Variants in SYT9 observed in about 807,000 individuals in gnomAD.
SYT9 encodes the protein synaptotagmin-9.
SYT9 carries 22 observed loss-of-function variants against 48.4 expected under a neutral mutation model. The ratio of observed to expected loss-of-function variants is 0.45; its 90% CI spans 0.32 to 0.65. SYT9 has a LOEUF of 0.65. Ranked by LOEUF, SYT9 falls within the 30% of genes least tolerant of loss-of-function variation. The pLI, the probability that SYT9 is intolerant of heterozygous loss-of-function variation, is 0.03. For synonymous variants in SYT9, 265 were observed against 245.0 expected, an observed-to-expected ratio of 1.08 and a Z score of -0.76; for missense variants, 577 against 622.0, an observed-to-expected ratio of 0.93 and a Z score of 0.77.
intron 6 of SYT9, among the ~76,000 whole-genome samples, chr11:7,466,370 T>C (rs1394268897): frequency 6.6e-6 from 1 of 152,192 alleles, no homozygotes; most frequent in Non-Finnish European, 1.5e-5. Context: ...GTCCTACTTA[T>C]GGGCTTAGTA....
At chr11:7,362,948 C>G (rs1419780983) in intron 3 of SYT9, among the ~76,000 whole-genome samples, 1 of 60,286 alleles carries the variant, frequency 1.7e-5, no homozygotes, top group Non-Finnish European at 3.2e-5. Flanking sequence ...CATTTATTGG[C>G]CTTTTTTTTT....
chr11:7,432,514 TC>T (rs571821472), intron 6 of SYT9, among the ~76,000 whole-genome samples: 86 of 134,050 alleles, frequency 6.4e-4, no homozygotes, highest in African/African-American at 2.2e-3. Flanking sequence ...GCCATTGCAC[TC>T]CACCCTGGGC....
chr11:7,389,276 G>A (rs1254539151), intron 3 of SYT9, among the ~76,000 whole-genome samples: 1 of 151,992 alleles, frequency 6.6e-6, no homozygotes, highest in African/African-American at 2.4e-5. Flanking sequence ...TGACACAATG[G>A]TACTAAAAAA....
chr11:7,313,216 C>T (rs138940729), intron 2 of SYT9, among the ~76,000 whole-genome samples, 179 bp from the exon 3 acceptor site: 126 of 152,200 alleles, frequency 8.3e-4, no homozygotes, highest in African/African-American at 2.6e-3. Flanking sequence ...TCAAGCCTTA[C>T]GGAGCAGCTT....
chr11:7,334,407 G>A (rs957525450), intron 3 of SYT9, among the ~76,000 whole-genome samples: 6 of 152,166 alleles, frequency 3.9e-5, no homozygotes, highest in African/African-American at 1.4e-4. Flanking sequence ...CCACTCGCGT[G>A]TGGTTAATAG....
intron 6 of SYT9, among the ~76,000 whole-genome samples, chr11:7,431,033 A>C (rs1269452358): frequency 1.3e-5 from 2 of 152,194 alleles, no homozygotes; most frequent in Non-Finnish European, 2.9e-5. Context: ...AGGTTGGAAG[A>C]GTTTGGAGGG....
At chr11:7,459,239 C>T (rs1848201341) in intron 6 of SYT9, among the ~76,000 whole-genome samples, 1 of 152,168 alleles carries the variant, frequency 6.6e-6, no homozygotes, top group Non-Finnish European at 1.5e-5. Flanking sequence ...TTTGAAGCAA[C>T]TATTGGATAT....
At chr11:7,419,359 G>T (rs11041367) in intron 5 of SYT9, among the ~76,000 whole-genome samples, 21,907 of 151,968 alleles carry the variant, frequency 0.14, 1,643 homozygotes, top group East Asian at 0.28. Context: ...TTAATGGGCA[G>T]AGACTCAAAT....
intron 3 of SYT9, among the ~76,000 whole-genome samples, chr11:7,336,351 C>G (rs1039780848): frequency 6.6e-6 from 1 of 152,100 alleles, no homozygotes; most frequent in Admixed American, 6.6e-5. Flanking sequence ...TTATTTAGAT[C>G]CCATTTGTCA....
At chr11:7,255,569 G>A (rs1420086964) in intron 1 of SYT9, among the ~76,000 whole-genome samples, 1 of 152,154 alleles carries the variant, frequency 6.6e-6, no homozygotes, top group South Asian at 2.1e-4. Flanking sequence ...GGTAATGGAG[G>A]TGATGAGAAG....
chr11:7,431,184 G>A (rs191621839), intron 6 of SYT9, among the ~76,000 whole-genome samples: 6 of 152,268 alleles, frequency 3.9e-5, no homozygotes, highest in Non-Finnish European at 7.4e-5. Context: ...GGCTCTTATT[G>A]GGAACAAGAG....
At chr11:7,447,634 C>T (rs1402769728) in intron 6 of SYT9, among the ~76,000 whole-genome samples, 1 of 152,118 alleles carries the variant, frequency 6.6e-6, no homozygotes, top group South Asian at 2.1e-4. Context: ...CTATGAGTTC[C>T]CTGAGAACAG....
chr11:7,409,156 G>T (rs1452760490), intron 3 of SYT9, among the ~76,000 whole-genome samples: 2 of 152,126 alleles, frequency 1.3e-5, no homozygotes, highest in Non-Finnish European at 2.9e-5. Context: ...CTATTGAGAT[G>T]ATCATATGAT....
intron 3 of SYT9, among the ~76,000 whole-genome samples, chr11:7,363,541 A>G (rs78815673): frequency 0.019 from 2,878 of 152,288 alleles, 88 homozygotes; most frequent in African/African-American, 0.062. Context: ...ACTTAAAGAT[A>G]AATCTTTACA....
chr11:7,364,741 C>CT (rs1850210091), intron 3 of SYT9, among the ~76,000 whole-genome samples: 1 of 152,176 alleles, frequency 6.6e-6, no homozygotes, highest in Admixed American at 6.5e-5. Context: ...GTTGAAAACT[C>CT]TAACCTGCCT....
chr11:7,338,227 T>G (rs552268564), intron 3 of SYT9, among the ~76,000 whole-genome samples: 17 of 152,300 alleles, frequency 1.1e-4, no homozygotes, highest in Non-Finnish European at 1.8e-4. Context: ...TCATTTCTAA[T>G]TGATATTGTC....
chr11:7,301,734 A>G (rs1848924081), intron 1 of SYT9, among the ~76,000 whole-genome samples: 1 of 152,242 alleles, frequency 6.6e-6, no homozygotes, highest in Non-Finnish European at 1.5e-5. Context: ...GATGGGCAGT[A>G]GAGGCAAACC....
intron 6 of SYT9, among the ~76,000 whole-genome samples, chr11:7,421,971 C>T (rs1185365870): frequency 2.0e-5 from 3 of 152,110 alleles, no homozygotes; most frequent in Admixed American, 6.5e-5. Context: ...GAGAACTGAG[C>T]CCCCGGGAAC....
chr11:7,304,640 A>C (rs1849000881), intron 2 of SYT9, among the ~76,000 whole-genome samples: 1 of 152,210 alleles, frequency 6.6e-6, no homozygotes, highest in African/African-American at 2.4e-5. Context: ...TTTTAGCATC[A>C]TTTTCAATTC....
Sources: allele counts gnomAD v4.1 joint callset (sites outside exome capture counted in the v4.1 genomes callset), GRCh38; gene constraint gnomAD v4.1.1; transcripts MANE v1.5; gene names NCBI Gene and HGNC (gene_info 2026-07-23, HGNC 2026-07-21).